The following INTS7 variants were observed in gnomAD, a reference collection of about 807,000 sequenced individuals.
The protein encoded by INTS7 is integrator complex subunit 7, also known as chromosome 1 open reading frame 73.
Under a neutral mutation model 109.2 loss-of-function variants are expected in INTS7, and 46 were observed. The ratio of observed to expected loss-of-function variants is 0.42; its 90% confidence interval spans 0.33 to 0.54. The LOEUF (loss-of-function observed/expected upper bound fraction) is 0.54, where lower values mean the gene tolerates loss of function less well. INTS7 is among the 20% of genes least tolerant of loss of function. The pLI is 0.07. For synonymous variants in INTS7, 412 were observed against 402.9 expected (o/e 1.02, Z -0.27); for missense variants, 929 against 1,132.4 (o/e 0.82, Z 2.58).
At chr1:211,976,351 AG>A (rs1664419250) in intron 12 of INTS7, among the ~76,000 whole-genome samples, 1 of 152,232 alleles carries the variant, frequency 6.6e-6, no homozygotes, top group Non-Finnish European at 1.5e-5. Flanking sequence ...ACCTACAGCC[AG>A]AAAGGGTCCA....
At chr1:212,005,900 GA>G (rs1282543035) in intron 7 of INTS7, among the ~76,000 whole-genome samples, 1 of 151,970 alleles carries the variant, frequency 6.6e-6, no homozygotes, top group Admixed American at 6.6e-5. Flanking sequence ...AAGATGTTTA[GA>G]AAACAACAAA....
intron 7 of INTS7, among the ~76,000 whole-genome samples, chr1:212,003,285 C>T (rs561733986): frequency 4.6e-5 from 2 of 43,694 alleles, no homozygotes; most frequent in East Asian, 1.4e-3. Context: ...AAAATCAAGT[C>T]AAAGAGAACA....
intron 14 of INTS7, among the ~76,000 whole-genome samples, chr1:211,968,192 A>G (rs1036169198): frequency 1.3e-5 from 2 of 152,226 alleles, no homozygotes; most frequent in Non-Finnish European, 2.9e-5. Context: ...AGATTATTAT[A>G]TATGACATAT....
intron 4 of INTS7, among the ~76,000 whole-genome samples, chr1:212,014,106 A>C (rs1391093117): frequency 1.3e-5 from 2 of 152,214 alleles, no homozygotes; most frequent in African/African-American, 4.8e-5. Flanking sequence ...TGAAATTAAA[A>C]ATTATATGCT....
At chr1:212,025,236 A>G (rs527879549) in intron 1 of INTS7, among the ~76,000 whole-genome samples, 2 of 152,354 alleles carry the variant, frequency 1.3e-5, no homozygotes, top group South Asian at 4.1e-4. Flanking sequence ...GAAGGACTAC[A>G]CTTAACTTAC....
rs1664649530 is a variant in INTS7, at chr1:211,981,204, A to T, written c.1133-14T>A. On this transcript the variant is annotated splice_polypyrimidine_tract_variant and intron_variant, in intron 9 of 19. Coordinates refer to ENST00000366994, the MANE Select transcript of INTS7 (RefSeq NM_015434.4). ...GTGCCAAAAGATCTAGAAGAAAAAC[A>T]GTAAACTTTATGATGGTCAAGTGAT... 2.6e-6 allele frequency: 4 copies of T among 1,550,888 alleles called. No individual in the cohort carries two copies. Among genetic ancestry groups the T allele is most frequent in the Middle Eastern group, 1.7e-4 (1 of 5,960 alleles).
chr1:211,988,364 A>G (rs2970604), intron 7 of INTS7, among the ~76,000 whole-genome samples: 12,530 of 151,498 alleles, frequency 0.083, 742 homozygotes, highest in African/African-American at 0.17. Flanking sequence ...CGAGACTGCT[A>G]TAAACCATGT....
chr1:211,961,266 C>T (rs753867339), intron 16 of INTS7, among the ~76,000 whole-genome samples: 20 of 151,146 alleles, frequency 1.3e-4, no homozygotes, highest in South Asian at 2.1e-4. Context: ...AGGTCATCCT[C>T]GAGACATATA....
At chr1:212,025,202 T>C (rs1163237699) in intron 1 of INTS7, among the ~76,000 whole-genome samples, 1 of 152,222 alleles carries the variant, frequency 6.6e-6, no homozygotes, top group African/African-American at 2.4e-5. Flanking sequence ...AAAATCATTA[T>C]GCTGAGTGAA....
At chr1:211,948,403 AC>A (rs1662933928) in intron 17 of INTS7, among the ~76,000 whole-genome samples, 1 of 152,192 alleles carries the variant, frequency 6.6e-6, no homozygotes, top group Admixed American at 6.5e-5. Context: ...AGAGACATCC[AC>A]CTTTGGTGGA....
intron 13 of INTS7, among the ~76,000 whole-genome samples, chr1:211,974,604 G>A (rs1664336640): frequency 6.6e-6 from 1 of 152,016 alleles, no homozygotes; most frequent in Admixed American, 6.6e-5. Flanking sequence ...TTAGGGAATA[G>A]GTTCCTACTT....
chr1:212,027,352 A>G (rs78056811), intron 1 of INTS7, among the ~76,000 whole-genome samples: 3,977 of 152,330 alleles, frequency 0.026, 58 homozygotes, highest in African/African-American at 0.046. Flanking sequence ...TGCTTGCTAC[A>G]GGAAGAATGC....
At position 211,970,584 on chromosome 1, in the gene INTS7, A is replaced by G. The variant is rs142912133; in HGVS notation, c.1816-1877T>C. On this transcript the variant is annotated intron_variant, in intron 13 of 19. Transcript: ENST00000366994. ...CAAAAGATTAGTATCCAGAACATATAAAGTACTCTTATAAACCAGTAAGAA... is the reference window on the plus strand; with the variant it reads ...CAAAAGATTAGTATCCAGAACATATGAAGTACTCTTATAAACCAGTAAGAA... Among the ~76,000 whole-genome samples the G allele has an allele frequency of 5.3e-3, 803 of 152,342 alleles. 10 individuals carry two copies. The highest frequency in any genetic ancestry group is 0.019 in the African/African-American group (777 of 41,564).
intron 7 of INTS7, among the ~76,000 whole-genome samples, chr1:211,997,100 T>C (rs993951680): frequency 6.6e-6 from 1 of 151,908 alleles, no homozygotes; most frequent in Admixed American, 6.6e-5. Flanking sequence ...CAGTGTATAG[T>C]GCTTGGGTCA....
At chr1:212,018,281 T>C (rs1666527903) in intron 3 of INTS7, among the ~76,000 whole-genome samples, 1 of 152,146 alleles carries the variant, frequency 6.6e-6, no homozygotes, top group African/African-American at 2.4e-5. Context: ...TCCTTCTTTT[T>C]GGAAGCTTTC....
intron 7 of INTS7, among the ~76,000 whole-genome samples, chr1:211,991,091 C>A (rs1034349026): frequency 1.3e-5 from 2 of 151,930 alleles, no homozygotes; most frequent in Non-Finnish European, 2.9e-5. Flanking sequence ...GATTACATAT[C>A]AAGAAATGAA....
In INTS7 at chr1:212,007,148, C is replaced by A; in HGVS notation, c.756+102G>T. On this transcript the variant is annotated intron_variant, in intron 6 of 19. Coordinates refer to ENST00000366994, the MANE Select transcript of INTS7 (RefSeq NM_015434.4). The stretch of plus-strand genomic sequence containing the variant: ...ATCTGACCTTTATTAGAGAAAAGAA[C>A]CTTAATGTCCTCAAGACTTGTGGGC... 4.9e-6 allele frequency: 4 copies of A among 815,648 alleles called. No individual in the cohort carries two copies. In the South Asian group the frequency reaches 5.0e-5, roughly 10 times the overall value. 50.5% of individuals were successfully genotyped at this position (815,648 alleles called of 1,614,324 possible). A position where few individuals can be genotyped will look rare whatever the true frequency, so the allele number is the denominator to read the frequency against.
chr1:211,952,738 T>G lies in INTS7; in HGVS notation c.2184-37A>C, dbSNP rs758820305. 2.5e-6 allele frequency: 4 copies of G among 1,573,348 alleles called. No individual in the cohort carries two copies. The African/African-American group carries it at 4.1e-5, about 16-fold the overall frequency. Reference sequence around the variant, plus strand: ...GTCAATATTCATTAATCCATCAAAATAGCATGGCTATTTAATGCCTACATG... The same window carrying G: ...GTCAATATTCATTAATCCATCAAAAGAGCATGGCTATTTAATGCCTACATG... On this transcript the variant is annotated intron_variant, in intron 16 of 19. Coordinates refer to ENST00000366994, the MANE Select transcript of INTS7 (RefSeq NM_015434.4).
intron 16 of INTS7, among the ~76,000 whole-genome samples, chr1:211,964,896 G>A (rs1010379734): frequency 1.8e-4 from 27 of 152,098 alleles, no homozygotes; most frequent in African/African-American, 6.0e-4. Flanking sequence ...CTAGGCATGG[G>A]CAAGGATTTC....
Sources: allele counts gnomAD v4.1 joint callset (sites outside exome capture counted in the v4.1 genomes callset), GRCh38; gene constraint gnomAD v4.1.1; transcripts MANE v1.5; gene names NCBI Gene and HGNC (gene_info 2026-07-23, HGNC 2026-07-21).